IBTK: variants seen among roughly 807,000 people sequenced by gnomAD.
IBTK encodes BTK-binding protein.
Under a neutral mutation model 154.9 loss-of-function variants are expected in IBTK, and 83 were observed. That is an observed-to-expected ratio of 0.54 (90% CI 0.45 to 0.64). The LOEUF is 0.64. Ranked by LOEUF, IBTK falls within the 30% of genes least tolerant of loss-of-function variation. IBTK has a pLI of 0.00. For missense variants in IBTK, 1,332 were observed against 1,584.6 expected (o/e 0.84, Z 2.71); for synonymous variants, 515 against 536.1 (o/e 0.96, Z 0.54).
At chr6:82,208,525 T>C (rs1272302200) in intron 16 of IBTK, among the ~76,000 whole-genome samples, 1 of 152,096 alleles carries the variant, frequency 6.6e-6, no homozygotes, top group Non-Finnish European at 1.5e-5. Context: ...GAGGATCACT[T>C]GAGCCCAGGA....
In IBTK at chr6:82,240,529, A is replaced by G; in HGVS notation, c.-43T>C. On this transcript the variant is annotated 5_prime_UTR_variant, in exon 2 of 29. Transcript: ENST00000306270. ...CACTTACTTCAGAATCGTGAAAACT[A>G]ATTTTAAAAAATGAAAAAGCCAGGA... 6.6e-7 allele frequency: 1 copy of G among 1,520,458 alleles called. No individual in the cohort carries two copies. The highest frequency in any genetic ancestry group is 8.9e-7 in the Non-Finnish European group (1 of 1,125,980). The allele number at this position is 1,520,458 out of a possible 1,614,324, so 94.2% of individuals were successfully genotyped here. A position where few individuals can be genotyped will look rare whatever the true frequency, so the allele number is the denominator to read the frequency against.
At chr6:82,175,275 A>G (rs1768068204) in intron 26 of IBTK, among the ~76,000 whole-genome samples, 1 of 152,172 alleles carries the variant, frequency 6.6e-6, no homozygotes, top group Admixed American at 6.5e-5. Context: ...AACTTTTCTT[A>G]GAGATATAAG....
In IBTK at chr6:82,225,001, T is replaced by TA. The variant is rs555269372; in HGVS notation, c.825+475dup. On this transcript the variant is annotated intron_variant, in intron 6 of 28. Coordinates refer to ENST00000306270, the MANE Select transcript of IBTK (RefSeq NM_015525.4). ...ATGTACTATGCTTAATTTCTCCTGT[T>TA]AAAAATAAAGACAACAGGCTGGGTG... 6.6e-4 allele frequency among the ~76,000 whole-genome samples: 100 copies of TA among 152,156 alleles called. No homozygotes were observed. The East Asian group carries it at 0.018, about 27-fold the overall frequency.
At chr6:82,218,572 T>C (rs1769957991) in intron 9 of IBTK, among the ~76,000 whole-genome samples, 1 of 152,202 alleles carries the variant, frequency 6.6e-6, no homozygotes, top group South Asian at 2.1e-4. Context: ...AATGTATGCA[T>C]AACTCAATTA....
intron 8 of IBTK, 23 bp from the exon 9 acceptor site, chr6:82,220,736 C>T (rs1458259752): frequency 6.7e-6 from 10 of 1,498,976 alleles, no homozygotes; most frequent in South Asian, 2.6e-5. Context: ...AAAAAAAATC[C>T]TAGATTAATA....
intron 25 of IBTK, among the ~76,000 whole-genome samples, chr6:82,186,699 T>TA (rs1768569943): frequency 6.6e-6 from 1 of 152,110 alleles, no homozygotes. Flanking sequence ...ACCTTGATGA[T>TA]AATAATTCAG....
intron 11 of IBTK, among the ~76,000 whole-genome samples, chr6:82,215,735 C>T (rs919123373): frequency 1.5e-5 from 2 of 132,280 alleles, no homozygotes; most frequent in African/African-American, 5.8e-5. Flanking sequence ...TAGAGTGAGC[C>T]GAGATTTTGC....
intron 28 of IBTK, among the ~76,000 whole-genome samples, chr6:82,172,158 A>C (rs762846954): frequency 6.6e-6 from 1 of 152,214 alleles, no homozygotes; most frequent in Non-Finnish European, 1.5e-5. Flanking sequence ...CAAAGCAAAA[A>C]TATAAGCTTT....
Position 82,217,825 on chromosome 6 carries a change from G to T in IBTK, c.1426+135C>A, listed in dbSNP as rs1769927296. 7.6e-6 allele frequency: 4 copies of T among 527,586 alleles called. No homozygotes were observed. In the Admixed American group the frequency reaches 1.6e-4, roughly 21 times the overall value. 32.7% of individuals were successfully genotyped at this position (527,586 alleles called of 1,614,324 possible). A position where few individuals can be genotyped will look rare whatever the true frequency, so the allele number is the denominator to read the frequency against. ...TAACCTTACACTCTAATAGGAAACA[G>T]GCATTAAAAAACTAATCACAAAGAT... On this transcript the variant is annotated intron_variant, in intron 10 of 28. Coordinates refer to ENST00000306270, the MANE Select transcript of IBTK (RefSeq NM_015525.4).
At chr6:82,201,687 T>C (rs1029529358) in intron 18 of IBTK, among the ~76,000 whole-genome samples, 1 of 152,120 alleles carries the variant, frequency 6.6e-6, no homozygotes, top group African/African-American at 2.4e-5. Context: ...AGCAAACATA[T>C]TACACAAATA....
At chr6:82,225,826 G>T (rs571092924) in intron 5 of IBTK, among the ~76,000 whole-genome samples, 179 bp from the exon 6 acceptor site, 1 of 152,278 alleles carries the variant, frequency 6.6e-6, no homozygotes, top group Non-Finnish European at 1.5e-5. Flanking sequence ...GGATATGGTT[G>T]TAAGTTTATG....
At chr6:82,211,334 T>C in intron 15 of IBTK, 33 bp downstream of exon 15, 1 of 1,548,486 alleles carries the variant, frequency 6.5e-7, no homozygotes, top group Non-Finnish European at 8.8e-7. Context: ...GAAACATAGT[T>C]ACCAACCTAG....
intron 26 of IBTK, chr6:82,174,811 A>C (rs197247): frequency 0.98 from 352,883 of 359,488 alleles, 173,215 homozygotes; most frequent in East Asian, 1. Context: ...TTGTCTGATT[A>C]ACAAGTTAGA....
At chr6:82,200,558 AAAG>A (rs756491457) in intron 20 of IBTK, 26 bp downstream of exon 20, 2 of 1,485,254 alleles carry the variant, frequency 1.3e-6, no homozygotes, top group South Asian at 2.6e-5. Context: ...AAAAGGAGGA[AAAG>A]AAAAAAAAAA....
chr6:82,229,178 C>T lies in IBTK; in HGVS notation c.544-1876G>A, dbSNP rs564936272. 2.8e-4 allele frequency among the ~76,000 whole-genome samples: 42 copies of T among 152,218 alleles called. 1 individual carries two copies. The highest frequency in any genetic ancestry group is 2.1e-3 in the Admixed American group (32 of 15,304). On this transcript the variant is annotated intron_variant, in intron 4 of 28. Coordinates refer to ENST00000306270, the MANE Select transcript of IBTK (RefSeq NM_015525.4). ...CTTTCCTTCAAACCTACCCACTGTGCTTGCTTCACCCTCATTCTGTGGTAA... is the reference window on the plus strand; with the variant it reads ...CTTTCCTTCAAACCTACCCACTGTGTTTGCTTCACCCTCATTCTGTGGTAA...
intron 26 of IBTK, among the ~76,000 whole-genome samples, chr6:82,177,913 C>A (rs1339633540): frequency 6.6e-6 from 1 of 152,128 alleles, no homozygotes; most frequent in East Asian, 1.9e-4. Flanking sequence ...TAATATTTAT[C>A]AACTAGATTT....
At position 82,213,595 on chromosome 6, in the gene IBTK, C is replaced by T. The variant is rs113914814; in HGVS notation, c.2204+632G>A. On this transcript the variant is annotated intron_variant, in intron 12 of 28. Transcript: ENST00000306270. ...CGCTTGAGCCCAGGAGTTCGAGAAA[C>T]TGAGGTAAAAGAAAATTGTCCCAGC... Among the ~76,000 whole-genome samples, 462 of 152,166 alleles carry T rather than the reference C, an allele frequency of 3.0e-3. 4 individuals carry two copies. Among genetic ancestry groups the T allele is most frequent in the African/African-American group, 0.01 (427 of 41,524 alleles).
rs905432031 is a variant in IBTK, at chr6:82,247,529, C to G, written c.-358+33G>C. ...CCCCCGGGCTGAAGGGAAGCCGCAC[C>G]GCACGGTCGGGCAGCGCCAAGCCCT... On this transcript the variant is annotated intron_variant, in intron 1 of 28. Transcript: ENST00000306270. 1.3e-4 allele frequency: 50 copies of G among 398,908 alleles called. No homozygotes were observed. In the Admixed American group the frequency reaches 1.6e-3, roughly 13 times the overall value. The allele number at this position is 398,908 out of a possible 1,614,324, so 24.7% of individuals were successfully genotyped here. A position where few individuals can be genotyped will look rare whatever the true frequency, so the allele number is the denominator to read the frequency against.
rs542568399 is a variant in IBTK at position 82,209,777 on chromosome 6, A to G, written c.2509+1037T>C. ...GAGAAAAACATACCATGTCTCAGTT[A>G]TCTTACTCTCAAGTATACAAATCTT... On this transcript the variant is annotated intron_variant, in intron 16 of 28. Coordinates refer to ENST00000306270, the MANE Select transcript of IBTK (RefSeq NM_015525.4). Among the ~76,000 whole-genome samples the G allele has an allele frequency of 2.0e-5, 3 of 152,360 alleles. No homozygotes were observed. In the South Asian group the frequency reaches 6.2e-4, roughly 32 times the overall value.
Sources: gnomAD v4.1 joint callset for allele counts (sites outside exome capture counted in the v4.1 genomes callset) on GRCh38, gnomAD v4.1.1 for gene constraint, MANE v1.5 for transcripts, NCBI Gene and HGNC (gene_info 2026-07-23, HGNC 2026-07-21) for gene names.